Variants in ARHGAP6 observed in about 807,000 individuals in gnomAD.
The protein encoded by ARHGAP6 is Rho GTPase activating protein 6.
In ARHGAP6, 16 loss-of-function variants were observed where a neutral mutation model predicts 55.7. That is an observed-to-expected ratio of 0.29 (90% CI 0.19 to 0.44). ARHGAP6 has a LOEUF of 0.44. Ranked by LOEUF, ARHGAP6 falls within the 20% of genes least tolerant of loss-of-function variation. The pLI, the probability that ARHGAP6 is intolerant of heterozygous loss-of-function variation, is 1.00. For synonymous variants in ARHGAP6, 382 were observed against 360.9 expected (o/e 1.06, Z -0.66); for missense variants, 698 against 808.9 (o/e 0.86, Z 1.66).
chrX:11,224,724 TG>T (rs1324753186), intron 2 of ARHGAP6, among the ~76,000 whole-genome samples: 2 of 109,384 alleles, frequency 1.8e-5, no homozygotes, highest in Non-Finnish European at 3.8e-5. Flanking sequence ...CCGGAGCACA[TG>T]GGGGTGGGCA....
intron 1 of ARHGAP6, among the ~76,000 whole-genome samples, chrX:11,633,562 T>C (rs924837259): frequency 8.9e-6 from 1 of 112,002 alleles, no homozygotes; most frequent in Admixed American, 9.5e-5. Context: ...GCATGTAGCC[T>C]GTTGGAGTTC....
In ARHGAP6 at chrX:11,144,081, C is replaced by T. The variant is rs145388618; in HGVS notation, c.2075G>A (p.Gly692Asp). The T allele has an allele frequency of 1.2e-4, 150 of 1,208,410 alleles. 1 individual carries two copies. In the East Asian group the frequency reaches 2.9e-3, roughly 23 times the overall value. The change falls in exon 11 of 13, where the codon GGC (glycine) becomes GAC (aspartate). Residue 692 changes from glycine (G) to aspartate (D), a missense_variant. Transcript: ENST00000337414. ...LAMQEDAAPG[G>D]SEKLYRVPGQ... ...TGGCACTCTGTAAAGCTTCTCCGAG[C>T]CCCCCGGGGCCGCGTCCTCTTGCAT...
intron 9 of ARHGAP6, among the ~76,000 whole-genome samples, chrX:11,165,078 G>A (rs1428782404): frequency 1.8e-5 from 2 of 112,068 alleles, no homozygotes; most frequent in East Asian, 5.6e-4. Context: ...GATATCAGAA[G>A]TGGAGGGTCA....
chrX:11,283,961 A>C (rs942707701), intron 1 of ARHGAP6, among the ~76,000 whole-genome samples: 1 of 111,953 alleles, frequency 8.9e-6, no homozygotes, highest in African/African-American at 3.2e-5. Flanking sequence ...GAACCAATAC[A>C]ATGTCTTCCC....
chrX:11,515,978 C>T (rs974230042), intron 1 of ARHGAP6, among the ~76,000 whole-genome samples: 6 of 112,520 alleles, frequency 5.3e-5, no homozygotes, highest in African/African-American at 9.7e-5. Context: ...TGAAAATCAA[C>T]AATTTTCCTA....
At chrX:11,204,070 C>T (rs964138983) in intron 2 of ARHGAP6, among the ~76,000 whole-genome samples, 3 of 112,128 alleles carry the variant, frequency 2.7e-5, no homozygotes, top group African/African-American at 6.5e-5. Flanking sequence ...TGTGTGTGTG[C>T]ATGACTTGAT....
At chrX:11,390,759 G>A (rs143737376) in intron 1 of ARHGAP6, among the ~76,000 whole-genome samples, 6,236 of 111,681 alleles carry the variant, frequency 0.056, 193 homozygotes, top group African/African-American at 0.12. Flanking sequence ...CAAAACCACA[G>A]TGAGATACCA....
At chrX:11,375,243 A>G (rs2049187217) in intron 1 of ARHGAP6, among the ~76,000 whole-genome samples, 1 of 112,187 alleles carries the variant, frequency 8.9e-6, no homozygotes, top group Non-Finnish European at 1.9e-5. Flanking sequence ...TTTTACACAC[A>G]TTATGCCATT....
chrX:11,649,932 T>C (rs987862156), intron 1 of ARHGAP6, among the ~76,000 whole-genome samples: 2 of 110,782 alleles, frequency 1.8e-5, no homozygotes, highest in African/African-American at 6.5e-5. Flanking sequence ...ATTAATTAAT[T>C]GGAAGGAATC....
intron 1 of ARHGAP6, among the ~76,000 whole-genome samples, chrX:11,527,013 T>TGA (rs2050997214): frequency 3.3e-5 from 2 of 60,178 alleles, no homozygotes; most frequent in African/African-American, 2.5e-4. Flanking sequence ...ATATGAGGAG[T>TGA]GTGTGTGTGT....
intron 10 of ARHGAP6, among the ~76,000 whole-genome samples, chrX:11,151,097 C>A (rs1247805217): frequency 1.8e-5 from 2 of 111,343 alleles, no homozygotes; most frequent in East Asian, 2.8e-4. Flanking sequence ...TTCAACATAT[C>A]CTGTCCTGTT....
chrX:11,358,663 G>C (rs2048969241), intron 1 of ARHGAP6, among the ~76,000 whole-genome samples: 1 of 110,033 alleles, frequency 9.1e-6, no homozygotes, highest in Admixed American at 9.7e-5. Flanking sequence ...GTATTTTTTA[G>C]TAGAGGTGGG....
intron 1 of ARHGAP6, among the ~76,000 whole-genome samples, chrX:11,270,973 G>T (rs182093333): frequency 5.6e-4 from 63 of 111,618 alleles, no homozygotes; most frequent in Admixed American, 4.9e-3. Flanking sequence ...GTATATCGCT[G>T]GTTCTACCAC....
intron 1 of ARHGAP6, among the ~76,000 whole-genome samples, chrX:11,275,441 T>C (rs1377310223): frequency 3.6e-5 from 4 of 111,703 alleles, no homozygotes; most frequent in Non-Finnish European, 7.5e-5. Context: ...AAATCATTTT[T>C]AACATTGCTT....
At chrX:11,621,576 A>C (rs1342523657) in intron 1 of ARHGAP6, among the ~76,000 whole-genome samples, 4 of 111,821 alleles carry the variant, frequency 3.6e-5, no homozygotes, top group Non-Finnish European at 7.5e-5. Flanking sequence ...TGATACCAAA[A>C]AATTTACCCA....
Position 11,616,144 on chromosome X carries a change from G to A in ARHGAP6, c.588+48097C>T, listed in dbSNP as rs2052161336. On this transcript the variant is annotated intron_variant, in intron 1 of 12. Transcript: ENST00000337414. ...CAAGGGAATGGATTATTTCTGGCAAGAATGGATTGTTATAACTAGTATACC... is the reference window on the plus strand; with the variant it reads ...CAAGGGAATGGATTATTTCTGGCAAAAATGGATTGTTATAACTAGTATACC... 2.7e-5 allele frequency among the ~76,000 whole-genome samples: 3 copies of A among 110,150 alleles called. No individual in the cohort carries two copies. In the South Asian group the frequency reaches 1.2e-3, roughly 43 times the overall value.
At position 11,556,714 on chromosome X, in the gene ARHGAP6, T is replaced by C. The variant is rs149499039; in HGVS notation, c.588+107527A>G. Among the ~76,000 whole-genome samples, 144 of 112,247 alleles carry C rather than the reference T, an allele frequency of 1.3e-3. No homozygotes were observed. In the East Asian group the frequency reaches 0.034, roughly 26 times the overall value. On this transcript the variant is annotated intron_variant, in intron 1 of 12. Transcript: ENST00000337414. ...TATGGTAAGGTTCTAGGGTGGCCCTTATTTTCAGGAATTTAATTTCAGAAC... is the reference window on the plus strand; with the variant it reads ...TATGGTAAGGTTCTAGGGTGGCCCTCATTTTCAGGAATTTAATTTCAGAAC...
At chrX:11,327,766 T>A (rs929695142) in intron 1 of ARHGAP6, among the ~76,000 whole-genome samples, 5 of 111,714 alleles carry the variant, frequency 4.5e-5, no homozygotes, top group Non-Finnish European at 9.4e-5. Flanking sequence ...TTGGGGGCAA[T>A]CATAACCTGC....
chrX:11,389,105 A>C (rs73498792), intron 1 of ARHGAP6, among the ~76,000 whole-genome samples: 6,637 of 111,511 alleles, frequency 0.06, 214 homozygotes, highest in African/African-American at 0.12. Context: ...GCAGCTTGTT[A>C]TTGGAATCTA....
Sources: gnomAD v4.1 joint callset for allele counts (sites outside exome capture counted in the v4.1 genomes callset) on GRCh38, gnomAD v4.1.1 for gene constraint, MANE v1.5 for transcripts, NCBI Gene and HGNC (gene_info 2026-07-23, HGNC 2026-07-21) for gene names.